Variants in ITPRID1 observed in about 807,000 individuals in gnomAD.
The protein encoded by ITPRID1 is protein ITPRID1.
ITPRID1 carries 96 observed loss-of-function variants against 95.4 expected under a neutral mutation model. The observed-to-expected ratio is 1.01, with a 90% CI of 0.85 to 1.19. The LOEUF (loss-of-function observed/expected upper bound fraction) is 1.19, where lower values mean the gene tolerates loss of function less well. Among genes scored for constraint, ITPRID1 ranks in the 50% most tolerant of loss-of-function variants. ITPRID1 has a pLI of 0.00. For missense variants in ITPRID1, 1,339 were observed against 1,252.9 expected (o/e 1.07, Z -1.04); for synonymous variants, 510 against 453.6 (o/e 1.12, Z -1.58).
At chr7:31,519,620 C>CTCTCTATATA in intron 1 of ITPRID1, among the ~76,000 whole-genome samples, 73 of 25,242 alleles carry the variant, frequency 2.9e-3, no homozygotes, top group Admixed American at 4.1e-3. Context: ...CTCTCTCTCT[C>CTCTCTATATA]TATATATATA....
intron 7 of ITPRID1, among the ~76,000 whole-genome samples, chr7:31,573,434 G>T (rs1785064131): frequency 6.6e-6 from 1 of 151,948 alleles, no homozygotes; most frequent in Non-Finnish European, 1.5e-5. Flanking sequence ...ACATGATGCT[G>T]GTTGTATCTG....
At chr7:31,595,574 A>ATGG (rs145574085) in intron 10 of ITPRID1, among the ~76,000 whole-genome samples, 16,539 of 152,194 alleles carry the variant, frequency 0.11, 1,000 homozygotes, top group African/African-American at 0.14. Context: ...TTGAATAATA[A>ATGG]TGAAGACATT....
intron 1 of ITPRID1, among the ~76,000 whole-genome samples, chr7:31,522,462 TTA>T (rs1783296326): frequency 6.6e-6 from 1 of 152,216 alleles, no homozygotes; most frequent in Non-Finnish European, 1.5e-5. Context: ...CTCATGGAAC[TTA>T]TGAGGAAAGT....
At position 31,604,251 on chromosome 7, in the gene ITPRID1, G is replaced by A. The variant is rs149307893; in HGVS notation, c.1228+21060G>A. Among the ~76,000 whole-genome samples, 262 of 152,294 alleles carry A rather than the reference G, an allele frequency of 1.7e-3. 4 individuals carry two copies. In the East Asian group the frequency reaches 0.018, roughly 11 times the overall value. ...ATTCATCCTTAAAACCACCATGGGA[G>A]CAAGTGGATTTTACTCCCATTTTAC... On this transcript the variant is annotated intron_variant, in intron 10 of 14. Transcript: ENST00000615280.
At chr7:31,598,721 A>G (rs779531458) in intron 10 of ITPRID1, among the ~76,000 whole-genome samples, 5 of 152,148 alleles carry the variant, frequency 3.3e-5, no homozygotes, top group Non-Finnish European at 7.4e-5. Flanking sequence ...CAAATTTCTA[A>G]AAGTCAATAA....
chr7:31,643,070 G>A lies in ITPRID1; in HGVS notation c.1700G>A (p.Gly567Glu). The change falls in exon 12 of 15, where the codon GGG becomes GAG. Residue 567 changes from glycine to glutamate, a missense_variant. Coordinates refer to ENST00000615280, the MANE Select transcript of ITPRID1 (RefSeq NM_001257967.3). Reference protein sequence around the residue: ...TATSKYDHPLGFMVTHVTEMQ... With the variant: ...TATSKYDHPLEFMVTHVTEMQ... ...ACTTCCAAATATGATCATCCTCTGGGGTTTATGGTAACCCACGTCACAGAA... is the reference window on the plus strand; with the variant it reads ...ACTTCCAAATATGATCATCCTCTGGAGTTTATGGTAACCCACGTCACAGAA... 1 of 1,613,944 alleles carries A rather than the reference G, an allele frequency of 6.2e-7. No homozygotes were observed. Among genetic ancestry groups the A allele is most frequent in the Non-Finnish European group, 8.5e-7 (1 of 1,179,874 alleles).
chr7:31,645,226 T>A (rs1790363905), intron 12 of ITPRID1, among the ~76,000 whole-genome samples: 1 of 152,178 alleles, frequency 6.6e-6, no homozygotes, highest in Non-Finnish European at 1.5e-5. Flanking sequence ...AAGTGTAGAA[T>A]TAACATTAGA....
chr7:31,589,705 A>G (rs1785780281), intron 10 of ITPRID1, among the ~76,000 whole-genome samples: 1 of 152,200 alleles, frequency 6.6e-6, no homozygotes, highest in Admixed American at 6.5e-5. Flanking sequence ...AGAAATATAC[A>G]TGCAGCAAAA....
rs866428479 is a variant in ITPRID1 at position 31,642,694 on chromosome 7, C to T, written c.1324C>T (p.Pro442Ser). 3.7e-6 allele frequency: 6 copies of T among 1,613,112 alleles called. No homozygotes were observed. Among genetic ancestry groups the T allele is most frequent in the African/African-American group, 1.3e-5 (1 of 74,908 alleles). The part of the protein sequence containing the change: ...EPLPLQMPSL[P>S]NSQSPAENGG... Reference sequence around the variant, plus strand: ...GTTTCCCCTACAGATGCCTTCCTTGCCAAACAGCCAGAGTCCTGCTGAGAA... The same window carrying T: ...GTTTCCCCTACAGATGCCTTCCTTGTCAAACAGCCAGAGTCCTGCTGAGAA... The change falls in exon 12 of 15, where the codon CCA becomes TCA. Residue 442 changes from proline to serine, a missense_variant. Physicochemically the swap from Pro to Ser is moderately conservative, Grantham distance 74. Transcript: ENST00000615280.
intron 10 of ITPRID1, among the ~76,000 whole-genome samples, chr7:31,607,676 C>T (rs1786683637): frequency 1.3e-5 from 2 of 151,994 alleles, no homozygotes; most frequent in South Asian, 4.1e-4. Context: ...CCATTTCAAT[C>T]ACAACCCCAT....
chr7:31,652,013 G>A lies in ITPRID1; in HGVS notation c.2786G>A (p.Gly929Glu), dbSNP rs962341198. Residue 929 changes from glycine (G) to glutamate (E), a missense_variant, in exon 14 of 15, where the codon GGA becomes GAA. Transcript: ENST00000615280. ...QQVAELEFQL[G>E]DRAQQIREGI... The stretch of plus-strand genomic sequence containing the variant: ...GTGGCAGAGTTGGAATTTCAGTTAG[G>A]AGACCGGGCTCAGCAAATCAGAGAA... 1 of 1,604,688 alleles carries A rather than the reference G, an allele frequency of 6.2e-7. No homozygotes were observed. The highest frequency in any genetic ancestry group is 1.3e-5 in the African/African-American group (1 of 74,780).
At chr7:31,534,688 A>AT (rs1016815427) in intron 1 of ITPRID1, among the ~76,000 whole-genome samples, 1 of 150,830 alleles carries the variant, frequency 6.6e-6, no homozygotes, top group Non-Finnish European at 1.5e-5. Flanking sequence ...ATATAATTTG[A>AT]TTTTTTTTCT....
intron 12 of ITPRID1, among the ~76,000 whole-genome samples, chr7:31,648,263 G>A (rs1377454309): frequency 6.6e-6 from 1 of 152,114 alleles, no homozygotes; most frequent in African/African-American, 2.4e-5. Context: ...GTTTCAATGG[G>A]TTTGGGTCAG....
rs527375600 is a variant in ITPRID1 at position 31,566,934 on chromosome 7, A to G, written c.257-2824A>G. Among the ~76,000 whole-genome samples, 61 of 152,338 alleles carry G rather than the reference A, an allele frequency of 4.0e-4. 3 individuals carry two copies. In the South Asian group the frequency reaches 0.012, roughly 31 times the overall value. The stretch of plus-strand genomic sequence containing the variant: ...CTGAAGGTGCCTCACGGGTGAGGGA[A>G]GAGCTAAGTGGAAGAGCACTACATT... On this transcript the variant is annotated intron_variant, in intron 5 of 14. Coordinates refer to ENST00000615280, the MANE Select transcript of ITPRID1 (RefSeq NM_001257967.3).
intron 1 of ITPRID1, among the ~76,000 whole-genome samples, chr7:31,519,618 C>CTATATATATA (rs1436134437): frequency 1.0e-3 from 33 of 31,688 alleles, no homozygotes; most frequent in Admixed American, 1.7e-3. Context: ...CTCTCTCTCT[C>CTATATATATA]TCTATATATA....
At chr7:31,596,775 A>G (rs538078905) in intron 10 of ITPRID1, among the ~76,000 whole-genome samples, 2 of 151,686 alleles carry the variant, frequency 1.3e-5, no homozygotes, top group African/African-American at 4.8e-5. Context: ...TTATATTGGA[A>G]TATAGAGAAT....
At chr7:31,542,933 T>G (rs1783978457) in intron 1 of ITPRID1, among the ~76,000 whole-genome samples, 1 of 152,204 alleles carries the variant, frequency 6.6e-6, no homozygotes, top group African/African-American at 2.4e-5. Context: ...AATATTTGAT[T>G]TAAGCACTTA....
At chr7:31,519,211 A>G (rs1416492081) in intron 1 of ITPRID1, among the ~76,000 whole-genome samples, 1 of 152,170 alleles carries the variant, frequency 6.6e-6, no homozygotes, top group Non-Finnish European at 1.5e-5. Flanking sequence ...TTATCCAGGA[A>G]GGAAGATAGA....
intron 1 of ITPRID1, among the ~76,000 whole-genome samples, chr7:31,536,027 T>G (rs1783747300): frequency 6.6e-6 from 1 of 152,184 alleles, no homozygotes; most frequent in Non-Finnish European, 1.5e-5. Context: ...TTCTTCAGTT[T>G]AGGAAAATAT....
Sources: allele counts gnomAD v4.1 joint callset (sites outside exome capture counted in the v4.1 genomes callset), GRCh38; gene constraint gnomAD v4.1.1; transcripts MANE v1.5; gene names NCBI Gene and HGNC (gene_info 2026-07-23, HGNC 2026-07-21).